The following CAMTA1 variants were observed in gnomAD, a reference collection of about 807,000 sequenced individuals.
The protein encoded by CAMTA1 is calmodulin binding transcription activator 1, also known as calmodulin-binding transcription activator 1.
In CAMTA1, 27 loss-of-function variants were observed where a neutral mutation model predicts 170.9. The ratio of observed to expected loss-of-function variants is 0.16; its 90% CI spans 0.12 to 0.22. The LOEUF is 0.22. Among genes scored for constraint, CAMTA1 ranks in the 10% least tolerant of loss-of-function variants. The pLI is 1.00. For synonymous variants in CAMTA1, 833 were observed against 891.5 expected, an observed-to-expected ratio of 0.93 and a Z score of 1.17; for missense variants, 1,619 against 2,217.2, an observed-to-expected ratio of 0.73 and a Z score of 5.42.
At chr1:7,587,763 G>A (rs1480215774) in intron 6 of CAMTA1, among the ~76,000 whole-genome samples, 33 of 152,178 alleles carry the variant, frequency 2.2e-4, no homozygotes, top group Admixed American at 2.1e-3. Flanking sequence ...CCTGCAACCA[G>A]GGTCTGCAGT....
chr1:7,287,496 A>G (rs1234859381), intron 5 of CAMTA1, among the ~76,000 whole-genome samples: 1 of 152,084 alleles, frequency 6.6e-6, no homozygotes, highest in Non-Finnish European at 1.5e-5. Context: ...CTCCTTCATC[A>G]TCATCACCAC....
In CAMTA1 at chr1:7,660,958, C is replaced by T. The variant is rs527493402; in HGVS notation, c.665-768C>T. 1.2e-4 allele frequency among the ~76,000 whole-genome samples: 18 copies of T among 152,344 alleles called. No homozygotes were observed. The South Asian group carries it at 2.1e-3, about 18-fold the overall frequency. ...GAGAAAACTGCTCTGCTGGAAAAGT[C>T]GGTTTAGACTTCCAGCCCCCATCCT... On this transcript the variant is annotated intron_variant, in intron 7 of 22. Coordinates refer to ENST00000303635, the MANE Select transcript of CAMTA1 (RefSeq NM_015215.4).
intron 3 of CAMTA1, among the ~76,000 whole-genome samples, chr1:6,837,410 T>A (rs1653707326): frequency 6.6e-6 from 1 of 152,120 alleles, no homozygotes; most frequent in Non-Finnish European, 1.5e-5. Context: ...GGATCTTTTT[T>A]AGGTGGTGCT....
rs577336920 is a variant in CAMTA1, at chr1:7,485,646, C to A, written c.510+17745C>A. Among the ~76,000 whole-genome samples the A allele has an allele frequency of 4.6e-5, 7 of 152,332 alleles. No individual in the cohort carries two copies. In the South Asian group the frequency reaches 1.4e-3, roughly 32 times the overall value. On this transcript the variant is annotated intron_variant, in intron 6 of 22. Coordinates refer to ENST00000303635, the MANE Select transcript of CAMTA1 (RefSeq NM_015215.4). ...TGGGTGAGTCCAGGAGAGCCCCTCC[C>A]ACTGAGTCACAATGACTCTGCCCCT... is the stretch of plus-strand genomic sequence containing the variant.
rs191756232 is a variant in CAMTA1 at position 7,154,893 on chromosome 1, C to A, written c.302+63522C>A. ...TGGGGAGAGCAGGTCTGTTTCCCTG[C>A]AGAGCCCCTCCCCACTCCAGCCGGG... On this transcript the variant is annotated intron_variant, in intron 4 of 22. Coordinates refer to ENST00000303635, the MANE Select transcript of CAMTA1 (RefSeq NM_015215.4). 5.2e-3 allele frequency among the ~76,000 whole-genome samples: 785 copies of A among 152,318 alleles called. 6 individuals are homozygous for A. The highest frequency in any genetic ancestry group is 0.017 in the African/African-American group (726 of 41,574).
chr1:7,612,253 A>G (rs2095528948), intron 6 of CAMTA1, among the ~76,000 whole-genome samples: 1 of 152,164 alleles, frequency 6.6e-6, no homozygotes, highest in Admixed American at 6.5e-5. Flanking sequence ...TCTCAGCAGG[A>G]TGGATGGGGA....
intron 4 of CAMTA1, among the ~76,000 whole-genome samples, chr1:7,227,838 C>T (rs766348487): frequency 4.0e-5 from 6 of 149,362 alleles, no homozygotes; most frequent in Non-Finnish European, 5.9e-5. Flanking sequence ...TCTAGCCCCT[C>T]CCCTCCCCAG....
intron 21 of CAMTA1, among the ~76,000 whole-genome samples, chr1:7,754,067 A>G (rs932267533): frequency 6.6e-6 from 1 of 152,148 alleles, no homozygotes; most frequent in Non-Finnish European, 1.5e-5. Context: ...TCAAGGACTC[A>G]CCTGGGCCCT....
intron 5 of CAMTA1, among the ~76,000 whole-genome samples, chr1:7,375,360 T>A (rs1040370098): frequency 6.6e-6 from 1 of 152,152 alleles, no homozygotes; most frequent in African/African-American, 2.4e-5. Flanking sequence ...GAAACCACCA[T>A]TGGCCACACC....
At chr1:6,900,065 A>G (rs1161403411) in intron 3 of CAMTA1, among the ~76,000 whole-genome samples, 1 of 152,254 alleles carries the variant, frequency 6.6e-6, no homozygotes, top group Non-Finnish European at 1.5e-5. Context: ...GAAAAGTCAC[A>G]TGTGAAATCC....
In CAMTA1 at chr1:7,634,461, G is replaced by A. The variant is rs999559168; in HGVS notation, c.511-5939G>A. Among the ~76,000 whole-genome samples, 2 of 152,080 alleles carry A rather than the reference G, an allele frequency of 1.3e-5. No homozygotes were observed. Among genetic ancestry groups the A allele is most frequent in the African/African-American group, 2.4e-5 (1 of 41,406 alleles). On this transcript the variant is annotated intron_variant, in intron 6 of 22. Transcript: ENST00000303635. The surrounding 1 kb of genome is among the most constrained non-coding windows in gnomAD (Gnocchi z 6.2). Reference sequence around the variant, plus strand: ...GATTTTGAGGCCTTCGAGGGGTGCCGTCAACAGGCAGGTAGGCAAGAGAGG... The same window carrying A: ...GATTTTGAGGCCTTCGAGGGGTGCCATCAACAGGCAGGTAGGCAAGAGAGG...
intron 6 of CAMTA1, among the ~76,000 whole-genome samples, chr1:7,529,398 G>A (rs1039690684): frequency 6.6e-6 from 1 of 152,088 alleles, no homozygotes; most frequent in South Asian, 2.1e-4. Flanking sequence ...CAGTAATGAC[G>A]CATACCTCCT....
intron 4 of CAMTA1, among the ~76,000 whole-genome samples, chr1:7,182,748 G>T (rs1378305483): frequency 6.6e-6 from 1 of 152,148 alleles, no homozygotes; most frequent in Non-Finnish European, 1.5e-5. Context: ...CATTGAGGAA[G>T]GGGTACTTGA....
chr1:7,406,091 C>T (rs1055572737), intron 5 of CAMTA1, among the ~76,000 whole-genome samples: 4 of 152,236 alleles, frequency 2.6e-5, no homozygotes, highest in African/African-American at 9.6e-5. Flanking sequence ...GGAGCTTCTG[C>T]AGCAGCATGG....
At chr1:7,069,216 A>G (rs977472208) in intron 3 of CAMTA1, among the ~76,000 whole-genome samples, 2 of 152,108 alleles carry the variant, frequency 1.3e-5, no homozygotes, top group African/African-American at 4.8e-5. Context: ...TTTAGTGAGT[A>G]CCTACTGCAT....
chr1:7,562,108 C>T lies in CAMTA1; in HGVS notation c.511-78292C>T, dbSNP rs952446721. Reference sequence around the variant, plus strand: ...GTGCCCCAGGAAAAGCCAGGCCAGGCGTGCCTATCTCCTGCCAGCCTCACT... The same window carrying T: ...GTGCCCCAGGAAAAGCCAGGCCAGGTGTGCCTATCTCCTGCCAGCCTCACT... On this transcript the variant is annotated intron_variant, in intron 6 of 22. Coordinates refer to ENST00000303635, the MANE Select transcript of CAMTA1 (RefSeq NM_015215.4). This position sits in a 1 kb window ranked among gnomAD's most constrained non-coding sequence, Gnocchi z 4.8. Among the ~76,000 whole-genome samples the T allele has an allele frequency of 6.6e-6, 1 of 152,110 alleles. No homozygotes were observed. Among genetic ancestry groups the T allele is most frequent in the Non-Finnish European group, 1.5e-5 (1 of 68,018 alleles).
At chr1:7,145,242 G>A (rs186794368) in intron 4 of CAMTA1, among the ~76,000 whole-genome samples, 1 of 152,186 alleles carries the variant, frequency 6.6e-6, no homozygotes, top group East Asian at 1.9e-4. Flanking sequence ...GCATCTTTCC[G>A]CACCGCTCCT....
intron 5 of CAMTA1, among the ~76,000 whole-genome samples, chr1:7,391,045 TGGAGTG>T (rs1352525359): frequency 9.0e-4 from 137 of 152,094 alleles, no homozygotes; most frequent in African/African-American, 3.3e-3. Context: ...TTGCCCGGGC[TGGAGTG>T]CAGTGACGCG....
intron 4 of CAMTA1, among the ~76,000 whole-genome samples, chr1:7,217,227 C>G (rs374001221): frequency 6.6e-6 from 1 of 152,142 alleles, no homozygotes; most frequent in Non-Finnish European, 1.5e-5. Context: ...CCCCTTTGCT[C>G]GGCACTTCTC....
Sources: gnomAD v4.1 joint callset for allele counts (sites outside exome capture counted in the v4.1 genomes callset) on GRCh38, gnomAD v4.1.1 for gene constraint, Gnocchi (gnomAD v3.1) non-coding constraint, MANE v1.5 for transcripts, NCBI Gene and HGNC (gene_info 2026-07-23, HGNC 2026-07-21) for gene names.